Variants in TBC1D9 observed in about 807,000 individuals in gnomAD.
TBC1D9 encodes the protein TBC1 domain family member 9A.
TBC1D9 carries 63 observed loss-of-function variants against 132.0 expected under a neutral mutation model. The ratio of observed to expected loss-of-function variants is 0.48; its 90% CI spans 0.39 to 0.59. The LOEUF (loss-of-function observed/expected upper bound fraction) is 0.59. TBC1D9 is among the 20% of genes least tolerant of loss of function. The probability of loss-of-function intolerance (pLI) is 0.00; values close to 1 mark genes in which losing one functional copy is unlikely to be tolerated. For synonymous variants in TBC1D9, 610 were observed against 609.9 expected (o/e 1.00, Z 0.00); for missense variants, 1,261 against 1,592.7 (o/e 0.79, Z 3.54).
chr4:140,663,843 C>A (rs908435346), intron 9 of TBC1D9, among the ~76,000 whole-genome samples: 1 of 151,856 alleles, frequency 6.6e-6, no homozygotes. Flanking sequence ...TATAGTCAAA[C>A]TCATAGAAAC....
chr4:140,678,913 C>G, intron 5 of TBC1D9, 29 bp downstream of exon 5: 1 of 1,606,214 alleles, frequency 6.2e-7, no homozygotes, highest in Non-Finnish European at 8.5e-7. Flanking sequence ...TTTCTAAAGT[C>G]TGGAAGATAC....
chr4:140,717,678 G>T (rs1461595024), intron 1 of TBC1D9, among the ~76,000 whole-genome samples: 2 of 152,168 alleles, frequency 1.3e-5, no homozygotes, highest in Admixed American at 6.5e-5. Flanking sequence ...ATGAAATCTA[G>T]AACACAGATC....
At chr4:140,684,448 T>C (rs962480123) in intron 3 of TBC1D9, among the ~76,000 whole-genome samples, 25 of 152,142 alleles carry the variant, frequency 1.6e-4, no homozygotes, top group African/African-American at 6.0e-4. Flanking sequence ...TGCACATGAA[T>C]GACATTCTTT....
chr4:140,631,529 C>T (rs1325056855), intron 16 of TBC1D9, among the ~76,000 whole-genome samples: 1 of 151,900 alleles, frequency 6.6e-6, no homozygotes, highest in East Asian at 1.9e-4. Context: ...TTAGTAATTT[C>T]TAGAGGGATC....
At chr4:140,672,651 A>G (rs1737556512) in intron 6 of TBC1D9, among the ~76,000 whole-genome samples, 1 of 152,212 alleles carries the variant, frequency 6.6e-6, no homozygotes, top group Admixed American at 6.5e-5. Context: ...AAAACATATA[A>G]ATGCTCAGAC....
intron 2 of TBC1D9, among the ~76,000 whole-genome samples, chr4:140,697,890 TGGAGGGCTGTAA>T (rs908131974): frequency 6.6e-6 from 1 of 152,112 alleles, no homozygotes; most frequent in African/African-American, 2.4e-5. Context: ...AGACCGAGCC[TGGAGGGCTGTAA>T]GGAGAGATCT....
At position 140,661,902 on chromosome 4, in the gene TBC1D9, C is replaced by T; in HGVS notation, c.1794G>A (p.Gly598=). 1 of 1,613,280 alleles carries T rather than the reference C, an allele frequency of 6.2e-7. No individual in the cohort carries two copies. The highest frequency in any genetic ancestry group is 8.5e-7 in the Non-Finnish European group (1 of 1,179,480). Residue 598 remains glycine (G), a synonymous_variant, in exon 10 of 21, where the codon GGG becomes GGA. Transcript: ENST00000442267. ...TAYAFRNPNI[G]YCQAMNIVTS... ...CACCTGTGACATTTACCTGGCAATA[C>T]CCTATGTTGGGATTTCGAAAAGCAT...
At chr4:140,677,451 G>A (rs192965296) in intron 5 of TBC1D9, among the ~76,000 whole-genome samples, 1 of 151,952 alleles carries the variant, frequency 6.6e-6, no homozygotes, top group African/African-American at 2.4e-5. Flanking sequence ...AGCCACTTTA[G>A]GGGGGGCCTT....
At chr4:140,633,519 C>T (rs1036329606) in intron 16 of TBC1D9, among the ~76,000 whole-genome samples, 4 of 151,946 alleles carry the variant, frequency 2.6e-5, no homozygotes, top group African/African-American at 9.7e-5. Flanking sequence ...TGTGATGCTC[C>T]TTTATTAAAA....
rs766829163 is a variant in TBC1D9, at chr4:140,624,309, C to G, written c.2974+5G>C. ...AGGTAAACATATAGAAGAGAATATC[C>G]TTACCTTTGTCTGGCTTTAGGCTCA... On this transcript the variant is annotated splice_donor_5th_base_variant and intron_variant, in intron 19 of 20. Transcript: ENST00000442267. The G allele has an allele frequency of 1.2e-6, 2 of 1,613,462 alleles. No individual in the cohort carries two copies. Among genetic ancestry groups the G allele is most frequent in the Admixed American group, 3.3e-5 (2 of 59,986 alleles).
At chr4:140,642,305 C>T in intron 13 of TBC1D9, 1 of 736,458 alleles carries the variant, frequency 1.4e-6, no homozygotes, top group South Asian at 1.7e-5. Flanking sequence ...CCGACTTGGG[C>T]TGGCCTCTGG....
intron 1 of TBC1D9, among the ~76,000 whole-genome samples, chr4:140,712,884 A>G (rs1274662832): frequency 1.3e-5 from 2 of 152,114 alleles, no homozygotes. Flanking sequence ...TGGCCTAATA[A>G]CGAGATGCAA....
At chr4:140,695,566 A>G (rs1737940473) in intron 2 of TBC1D9, among the ~76,000 whole-genome samples, 1 of 152,134 alleles carries the variant, frequency 6.6e-6, no homozygotes. Flanking sequence ...AATTCTCCTG[A>G]GCTGTCACAG....
chr4:140,669,480 T>C (rs1214092364), intron 8 of TBC1D9, among the ~76,000 whole-genome samples, 154 bp downstream of exon 8: 3 of 152,208 alleles, frequency 2.0e-5, no homozygotes, highest in Non-Finnish European at 2.9e-5. Flanking sequence ...ATGAAGCCAC[T>C]GTGAAAGTTA....
At chr4:140,648,382 G>GTT (rs1426316935) in intron 13 of TBC1D9, among the ~76,000 whole-genome samples, 1 of 137,298 alleles carries the variant, frequency 7.3e-6, no homozygotes, top group African/African-American at 2.8e-5. Flanking sequence ...CAGTTTTGTT[G>GTT]TTGTTTTTTT....
In TBC1D9 at chr4:140,622,397, G is replaced by A. The variant is rs1332032470; in HGVS notation, c.3599C>T (p.Pro1200Leu). The A allele has an allele frequency of 6.2e-7, 1 of 1,612,832 alleles. No homozygotes were observed. Among genetic ancestry groups the A allele is most frequent in the Non-Finnish European group, 8.5e-7 (1 of 1,179,128 alleles). ...GTCCCGGTCCAGGCTGGTGCTCCGG[G>A]GCAGTGCCGCCGTGCCCTGGCCGCT... ...VRSGQGTAAL[P>L]RSTSLDRDWA... The change falls in exon 21 of 21, where the codon CCC becomes CTC. Residue 1200 changes from proline (P) to leucine (L), a missense_variant. Pro to Leu is a moderately conservative substitution (Grantham distance 98, BLOSUM62 -3). Coordinates refer to ENST00000442267, the MANE Select transcript of TBC1D9 (RefSeq NM_015130.3).
rs1203139652 is a variant in TBC1D9 at position 140,755,058 on chromosome 4, T to G, written c.130+858A>C. 7.2e-5 allele frequency among the ~76,000 whole-genome samples: 11 copies of G among 152,328 alleles called. No individual in the cohort carries two copies. The East Asian group carries it at 1.3e-3, about 19-fold the overall frequency. ...TTGCAGTCTCCTTTCTAGTGAAACC[T>G]CTACTATTTCTTCTGCTAACTTTTT... is the stretch of plus-strand genomic sequence containing the variant. On this transcript the variant is annotated intron_variant, in intron 1 of 20. Coordinates refer to ENST00000442267, the MANE Select transcript of TBC1D9 (RefSeq NM_015130.3).
At chr4:140,659,479 G>T in intron 11 of TBC1D9, 109 bp downstream of exon 11, 1 of 696,384 alleles carries the variant, frequency 1.4e-6, no homozygotes, top group Non-Finnish European at 2.4e-6. Flanking sequence ...GGAGTAGTCT[G>T]AAACTCTTTT....
chr4:140,733,839 A>G (rs1246969970), intron 1 of TBC1D9, among the ~76,000 whole-genome samples: 1 of 152,238 alleles, frequency 6.6e-6, no homozygotes, highest in African/African-American at 2.4e-5. Flanking sequence ...ATTCAAAAAA[A>G]CAAATGGGCT....
Sources: allele counts gnomAD v4.1 joint callset (sites outside exome capture counted in the v4.1 genomes callset), GRCh38; gene constraint gnomAD v4.1.1; transcripts MANE v1.5; gene names NCBI Gene and HGNC (gene_info 2026-07-23, HGNC 2026-07-21).